Variants in PIP5K1C observed in about 807,000 individuals in gnomAD.
The protein encoded by PIP5K1C is phosphatidylinositol 4-phosphate 5-kinase type-1 gamma.
Under a neutral mutation model 80.1 loss-of-function variants are expected in PIP5K1C, and 45 were observed. The ratio of observed to expected loss-of-function variants is 0.56; its 90% CI spans 0.44 to 0.72. The LOEUF (loss-of-function observed/expected upper bound fraction) is 0.72. Among genes scored for constraint, PIP5K1C ranks in the 30% least tolerant of loss-of-function variants. The pLI is 0.00. For synonymous variants in PIP5K1C, 498 were observed against 420.1 expected (o/e 1.19, Z -2.27); for missense variants, 753 against 954.6 (o/e 0.79, Z 2.78).
At chr19:3,656,646 C>G (rs2034643927) in intron 5 of PIP5K1C, 89 bp from the exon 6 acceptor site, 1 of 1,448,522 alleles carries the variant, frequency 6.9e-7, no homozygotes. Flanking sequence ...GCCCCAGGAA[C>G]TGATGACGGG....
At chr19:3,636,634 G>A (rs1416095161) in intron 16 of PIP5K1C, 39 of 985,556 alleles carry the variant, frequency 4.0e-5, no homozygotes, top group Non-Finnish European at 4.5e-5. Flanking sequence ...CTGGCTTCCC[G>A]CTGGCTCCGT....
intron 1 of PIP5K1C, among the ~76,000 whole-genome samples, chr19:3,686,007 G>A (rs1480365098): frequency 6.6e-6 from 1 of 151,668 alleles, no homozygotes; most frequent in African/African-American, 2.4e-5. Flanking sequence ...GACTACAGGC[G>A]CCACCACACC....
intron 6 of PIP5K1C, 54 bp downstream of exon 6, chr19:3,656,351 C>T (rs896679453): frequency 1.1e-5 from 18 of 1,604,700 alleles, no homozygotes; most frequent in Non-Finnish European, 1.4e-5. Flanking sequence ...TCCCGCCAGC[C>T]GGGAGAAGGG....
At chr19:3,647,926 G>C (rs2034297528) in intron 9 of PIP5K1C, among the ~76,000 whole-genome samples, 1 of 152,346 alleles carries the variant, frequency 6.6e-6, no homozygotes, top group South Asian at 2.1e-4. Flanking sequence ...CGGCCTGAGT[G>C]ACAGAGCGAG....
chr19:3,636,708 C>T (rs1316978003), intron 16 of PIP5K1C: 3 of 986,344 alleles, frequency 3.0e-6, no homozygotes, highest in Non-Finnish European at 2.4e-6. Context: ...CTCCACAGTG[C>T]CTGGCACACA....
At chr19:3,699,406 G>C (rs975257186) in intron 1 of PIP5K1C, among the ~76,000 whole-genome samples, 9 of 152,180 alleles carry the variant, frequency 5.9e-5, no homozygotes, top group Admixed American at 5.2e-4. Context: ...CAGGCAGCAC[G>C]CATCGCCCGC....
intron 15 of PIP5K1C, 112 bp downstream of exon 15, chr19:3,641,593 G>GAATACAACCTAGTA: frequency 1.3e-6 from 1 of 782,060 alleles, no homozygotes. Context: ...CACCATCTGT[G>GAATACAACCTAGTA]AATACAACCT....
chr19:3,642,552 CAA>C (rs895419620), intron 14 of PIP5K1C, among the ~76,000 whole-genome samples: 6 of 152,184 alleles, frequency 3.9e-5, no homozygotes, highest in African/African-American at 1.4e-4. Flanking sequence ...AAGTATCTTC[CAA>C]GAGACAAAAC....
chr19:3,637,600 C>A lies in PIP5K1C; in HGVS notation c.1920+1284G>T, dbSNP rs761858992. On this transcript the variant is annotated intron_variant, in intron 16 of 17. Transcript: ENST00000335312. The surrounding 1 kb of genome is among the most constrained non-coding windows in gnomAD (Gnocchi z 7.0). Reference sequence around the variant, plus strand: ...ATGGCGGGGAGAGTAAATCCAGTACCTCCCATCCGTGAACTGGACGGGGCG... The same window carrying A: ...ATGGCGGGGAGAGTAAATCCAGTACATCCCATCCGTGAACTGGACGGGGCG... 1 of 1,531,392 alleles carries A rather than the reference C, an allele frequency of 6.5e-7. No individual in the cohort carries two copies. The highest frequency in any genetic ancestry group is 1.2e-5 in the South Asian group (1 of 83,770). The allele number at this position is 1,531,392 out of a possible 1,614,324, so 94.9% of individuals were successfully genotyped here. A position where few individuals can be genotyped will look rare whatever the true frequency, so the allele number is the denominator to read the frequency against.
At position 3,692,070 on chromosome 19, in the gene PIP5K1C, C is replaced by A. The variant is rs370718603; in HGVS notation, c.94+8227G>T. On this transcript the variant is annotated intron_variant, in intron 1 of 17. Transcript: ENST00000335312. This position sits in a 1 kb window ranked among gnomAD's most constrained non-coding sequence, Gnocchi z 5.2. ...GTGCACAGTGGGAGCTGCCCGCTCA[C>A]GTCCCTGTCCCCACTCCCTGGGCGC... Among the ~76,000 whole-genome samples the A allele has an allele frequency of 6.6e-6, 1 of 152,218 alleles. No homozygotes were observed. Among genetic ancestry groups the A allele is most frequent in the African/African-American group, 2.4e-5 (1 of 41,450 alleles).
intron 1 of PIP5K1C, among the ~76,000 whole-genome samples, chr19:3,699,493 G>A (rs1043299051): frequency 1.3e-5 from 2 of 152,216 alleles, no homozygotes. Flanking sequence ...GCCCGTGTGG[G>A]TGTCTACAGA....
In PIP5K1C at chr19:3,637,961, C is replaced by T; in HGVS notation, c.1920+923G>A. 1 of 1,533,706 alleles carries T rather than the reference C, an allele frequency of 6.5e-7. No homozygotes were observed. Among genetic ancestry groups the T allele is most frequent in the Non-Finnish European group, 8.7e-7 (1 of 1,146,042 alleles). ...GGGCACAGGCACGCGGCCCGTCCCTCCCTTCTCCAGGGCCAGGTGGGTGCA... is the reference window on the plus strand; with the variant it reads ...GGGCACAGGCACGCGGCCCGTCCCTTCCTTCTCCAGGGCCAGGTGGGTGCA... On this transcript the variant is annotated intron_variant, in intron 16 of 17. Coordinates refer to ENST00000335312, the MANE Select transcript of PIP5K1C (RefSeq NM_012398.3). The surrounding 1 kb of genome is among the most constrained non-coding windows in gnomAD (Gnocchi z 7.0).
At chr19:3,667,157 G>A (rs1007521004) in intron 2 of PIP5K1C, among the ~76,000 whole-genome samples, 165 bp downstream of exon 2, 11 of 152,170 alleles carry the variant, frequency 7.2e-5, no homozygotes, top group African/African-American at 2.2e-4. Flanking sequence ...CTCTCAAGAC[G>A]CAGTTGGTGT....
chr19:3,634,976 G>A (rs569953523), intron 16 of PIP5K1C, among the ~76,000 whole-genome samples: 6 of 152,370 alleles, frequency 3.9e-5, no homozygotes, highest in Admixed American at 1.3e-4. Context: ...AATCCCTGAC[G>A]TGGGAATGGC....
intron 7 of PIP5K1C, among the ~76,000 whole-genome samples, chr19:3,652,350 C>G (rs1028763237): frequency 4.6e-5 from 7 of 152,254 alleles, no homozygotes; most frequent in African/African-American, 1.7e-4. Flanking sequence ...TATGCTCTGA[C>G]CAGCCCAGGC....
At chr19:3,694,943 C>T (rs1482165019) in intron 1 of PIP5K1C, among the ~76,000 whole-genome samples, 1 of 152,264 alleles carries the variant, frequency 6.6e-6, no homozygotes, top group Non-Finnish European at 1.5e-5. Context: ...TCGTGGGACA[C>T]GTAGCCCCAA....
At chr19:3,669,030 T>G (rs967142097) in intron 1 of PIP5K1C, among the ~76,000 whole-genome samples, 3 of 152,158 alleles carry the variant, frequency 2.0e-5, no homozygotes, top group Non-Finnish European at 4.4e-5. Flanking sequence ...ATGCTTCTTT[T>G]CAATCACAGG....
Position 3,658,352 on chromosome 19 carries a change from T to G in PIP5K1C, c.469-1795A>C, listed in dbSNP as rs531964968. 8.9e-4 allele frequency among the ~76,000 whole-genome samples: 136 copies of G among 152,342 alleles called. 1 individual carries two copies. Among genetic ancestry groups the G allele is most frequent in the African/African-American group, 3.2e-3 (133 of 41,590 alleles). ...GGTGAGAGAGCCGTGTGGGGTGGAC[T>G]CTGAGGCTGGAGGGAGATCTGTCCA... On this transcript the variant is annotated intron_variant, in intron 5 of 17. Transcript: ENST00000335312.
chr19:3,677,568 G>A (rs2035399341), intron 1 of PIP5K1C, among the ~76,000 whole-genome samples: 1 of 150,826 alleles, frequency 6.6e-6, no homozygotes, highest in Non-Finnish European at 1.5e-5. Context: ...GGGCAACAGA[G>A]TGAGACTCCC....
Sources: allele counts gnomAD v4.1 joint callset (sites outside exome capture counted in the v4.1 genomes callset), GRCh38; gene constraint gnomAD v4.1.1; non-coding constraint Gnocchi (gnomAD v3.1); transcripts MANE v1.5; gene names NCBI Gene and HGNC (gene_info 2026-07-23, HGNC 2026-07-21).